PCDHGA8: variants seen among roughly 807,000 people sequenced by gnomAD.
PCDHGA8 encodes protocadherin gamma-A8.
A neutral mutation model predicts 59.2 loss-of-function variants in PCDHGA8; 45 were observed. The ratio of observed to expected loss-of-function variants is 0.76; its 90% CI spans 0.60 to 0.98. PCDHGA8 has a LOEUF of 0.98. PCDHGA8 is among the 50% of genes least tolerant of loss of function. The pLI, the probability that PCDHGA8 is intolerant of heterozygous loss-of-function variation, is 0.00. For missense variants in PCDHGA8, 1,257 were observed against 1,196.2 expected (o/e 1.05, Z -0.75); for synonymous variants, 531 against 519.0 (o/e 1.02, Z -0.32).
At chr5:141,446,129 A>C (rs1488078150) in intron 1 of PCDHGA8, among the ~76,000 whole-genome samples, 1 of 152,204 alleles carries the variant, frequency 6.6e-6, no homozygotes, top group Non-Finnish European at 1.5e-5. Flanking sequence ...GTTCAATAAG[A>C]CTTAATAATG....
At position 141,431,365 on chromosome 5, in the gene PCDHGA8, C is replaced by T. The variant is rs2097365932; in HGVS notation, c.2424+36128C>T. ...TGGTGCTGAAACGCGCCCTGGACCG[C>T]GAAGAAAAGGCTGCTCACCACCTGG... On this transcript the variant is annotated intron_variant, in intron 1 of 3. Coordinates refer to ENST00000398604, the MANE Select transcript of PCDHGA8 (RefSeq NM_032088.2). The surrounding 1 kb of genome is among the most constrained non-coding windows in gnomAD (Gnocchi z 4.8). 6 of 1,613,980 alleles carry T rather than the reference C, an allele frequency of 3.7e-6. No homozygotes were observed. Among genetic ancestry groups the T allele is most frequent in the Non-Finnish European group, 5.1e-6 (6 of 1,180,028 alleles).
chr5:141,403,707 T>C (rs2094445205), intron 1 of PCDHGA8: 2 of 1,613,778 alleles, frequency 1.2e-6, no homozygotes, highest in African/African-American at 2.7e-5. Flanking sequence ...GTTAAAGTCC[T>C]TGAGAACGTG....
intron 1 of PCDHGA8, chr5:141,410,447 C>G (rs760711107): frequency 1.2e-6 from 2 of 1,613,984 alleles, no homozygotes; most frequent in Non-Finnish European, 1.7e-6. Context: ...GGGGACTTTG[C>G]CTTATTCTTA....
In PCDHGA8 at chr5:141,432,927, G is replaced by A; in HGVS notation, c.2424+37690G>A. On this transcript the variant is annotated intron_variant, in intron 1 of 3. Coordinates refer to ENST00000398604, the MANE Select transcript of PCDHGA8 (RefSeq NM_032088.2). This position sits in a 1 kb window ranked among gnomAD's most constrained non-coding sequence, Gnocchi z 6.0. ...AGGCTGCGGCGCTGGCACAAGTCACGCCTGCTGCAGGCTTCAGGAGGCGGC... is the reference window on the plus strand; with the variant it reads ...AGGCTGCGGCGCTGGCACAAGTCACACCTGCTGCAGGCTTCAGGAGGCGGC... 6.2e-7 allele frequency: 1 copy of A among 1,614,162 alleles called. No individual in the cohort carries two copies. Among genetic ancestry groups the A allele is most frequent in the Non-Finnish European group, 8.5e-7 (1 of 1,180,032 alleles).
chr5:141,430,984 C>G (rs765063685), intron 1 of PCDHGA8: 2 of 1,613,530 alleles, frequency 1.2e-6, no homozygotes, highest in Non-Finnish European at 1.7e-6. Flanking sequence ...CGCAGCTTTT[C>G]GCCCTGAATC....
intron 3 of PCDHGA8, among the ~76,000 whole-genome samples, chr5:141,506,402 G>C (rs1032556978): frequency 7.0e-6 from 1 of 143,732 alleles, no homozygotes; most frequent in African/African-American, 2.6e-5. Context: ...GCAGAAAATC[G>C]CACCACTGCA....
In PCDHGA8 at chr5:141,491,144, TGGA is replaced by T. The variant is rs757881044; in HGVS notation, c.2425-3659_2425-3657del. ...GAGGTGCGCACAGCCCGGGCCTTAC[TGGA>T]GGATGACTCTGACACCCAGCAGGTG... On this transcript the variant is annotated intron_variant, in intron 1 of 3. Coordinates refer to ENST00000398604, the MANE Select transcript of PCDHGA8 (RefSeq NM_032088.2). This position sits in a 1 kb window ranked among gnomAD's most constrained non-coding sequence, Gnocchi z 6.9. The T allele has an allele frequency of 1.2e-6, 2 of 1,614,158 alleles. No individual in the cohort carries two copies. The highest frequency in any genetic ancestry group is 2.2e-5 in the South Asian group (2 of 91,086).
chr5:141,501,374 T>A (rs2099808767), intron 2 of PCDHGA8, among the ~76,000 whole-genome samples: 1 of 151,106 alleles, frequency 6.6e-6, no homozygotes. Context: ...CATCATCTCT[T>A]AAATCCTAGG....
At chr5:141,404,100 T>G in intron 1 of PCDHGA8, 1 of 1,613,618 alleles carries the variant, frequency 6.2e-7, no homozygotes, top group African/African-American at 1.3e-5. Context: ...GGTCAAGTTG[T>G]CTGTTCTATC....
In PCDHGA8 at chr5:141,491,759, G is replaced by A; in HGVS notation, c.2425-3048G>A. On this transcript the variant is annotated intron_variant, in intron 1 of 3. Coordinates refer to ENST00000398604, the MANE Select transcript of PCDHGA8 (RefSeq NM_032088.2). The surrounding 1 kb of genome is among the most constrained non-coding windows in gnomAD (Gnocchi z 6.9). ...GGGGGCGGCACTGGAGAAGCCGCCC[G>A]TCCTCATAAGGGATTGAACTTGCAT... 2 of 1,575,392 alleles carry A rather than the reference G, an allele frequency of 1.3e-6. No homozygotes were observed. The highest frequency in any genetic ancestry group is 1.9e-5 in the Admixed American group (1 of 52,640).
In PCDHGA8 at chr5:141,423,113, C is replaced by G. The variant is rs2096710947; in HGVS notation, c.2424+27876C>G. On this transcript the variant is annotated intron_variant, in intron 1 of 3. Coordinates refer to ENST00000398604, the MANE Select transcript of PCDHGA8 (RefSeq NM_032088.2). The stretch of plus-strand genomic sequence containing the variant: ...GGGGAGCACACGGGCGAGGTGCGTA[C>G]AGCGCGGGCACTGCTGGACAGAGAC... The G allele has an allele frequency of 1.9e-6, 3 of 1,613,702 alleles. No homozygotes were observed. The highest frequency in any genetic ancestry group is 2.5e-6 in the Non-Finnish European group (3 of 1,179,992).
rs761350249 is a variant in PCDHGA8 at position 141,418,909 on chromosome 5, G to A, written c.2424+23672G>A. Reference sequence around the variant, plus strand: ...ACAACAGCCCAGAAATAATCATCACGTCACTCTCTGATCAGATTATGGAGG... The same window carrying A: ...ACAACAGCCCAGAAATAATCATCACATCACTCTCTGATCAGATTATGGAGG... On this transcript the variant is annotated intron_variant, in intron 1 of 3. Coordinates refer to ENST00000398604, the MANE Select transcript of PCDHGA8 (RefSeq NM_032088.2). The A allele has an allele frequency of 1.9e-6, 3 of 1,613,906 alleles. No homozygotes were observed. In the Admixed American group the frequency reaches 5.0e-5, roughly 27 times the overall value.
chr5:141,510,209 G>T (rs1294961681), intron 3 of PCDHGA8, among the ~76,000 whole-genome samples: 12 of 151,440 alleles, frequency 7.9e-5, no homozygotes, highest in African/African-American at 2.9e-4. Flanking sequence ...GGAGGCAGAG[G>T]TTGCAGTGAG....
At chr5:141,401,159 T>G (rs2094122338) in intron 1 of PCDHGA8, among the ~76,000 whole-genome samples, 1 of 152,076 alleles carries the variant, frequency 6.6e-6, no homozygotes, top group Admixed American at 6.6e-5. Context: ...CTGGGCAATA[T>G]GGTGAAAACC....
intron 1 of PCDHGA8, chr5:141,422,833 C>G (rs2096676817): frequency 6.2e-7 from 1 of 1,614,106 alleles, no homozygotes; most frequent in African/African-American, 1.3e-5. Flanking sequence ...AGTGATAGCA[C>G]GTGACAGCGG....
Position 141,409,505 on chromosome 5 carries a change from A to G in PCDHGA8, c.2424+14268A>G, listed in dbSNP as rs1361558030. 5.6e-6 allele frequency: 9 copies of G among 1,614,036 alleles called. No homozygotes were observed. In the Middle Eastern group the frequency reaches 4.9e-4, roughly 89 times the overall value. On this transcript the variant is annotated intron_variant, in intron 1 of 3. Coordinates refer to ENST00000398604, the MANE Select transcript of PCDHGA8 (RefSeq NM_032088.2). Reference sequence around the variant, plus strand: ...CAGGGGCAAGCCGCCTCTTTCTTCCAGTAGAAGCATCACCTTGTATGTCGC... The same window carrying G: ...CAGGGGCAAGCCGCCTCTTTCTTCCGGTAGAAGCATCACCTTGTATGTCGC...
chr5:141,478,671 A>G (rs996413401), intron 1 of PCDHGA8: 19 of 1,551,538 alleles, frequency 1.2e-5, no homozygotes, highest in Non-Finnish European at 1.7e-5. Context: ...TCACACTTTC[A>G]ACTGGCCCTT....
intron 1 of PCDHGA8, chr5:141,441,529 A>C (rs1042479748): frequency 4.6e-5 from 8 of 172,366 alleles, no homozygotes; most frequent in African/African-American, 1.9e-4. Flanking sequence ...GGCCAAGAAC[A>C]ATCTTCCCAA....
intron 1 of PCDHGA8, chr5:141,430,840 A>G: frequency 6.4e-7 from 1 of 1,565,876 alleles, no homozygotes; most frequent in East Asian, 2.2e-5. Flanking sequence ...GGGAGACCGG[A>G]TGCACCCAGA....
Sources: allele counts gnomAD v4.1 joint callset (sites outside exome capture counted in the v4.1 genomes callset), GRCh38; gene constraint gnomAD v4.1.1; non-coding constraint Gnocchi (gnomAD v3.1); transcripts MANE v1.5; gene names NCBI Gene and HGNC (gene_info 2026-07-23, HGNC 2026-07-21).